The following PHF21B variants were observed in gnomAD, a reference collection of about 807,000 sequenced individuals.
PHF21B encodes PHD finger protein 21B.
In PHF21B, 22 loss-of-function variants were observed where a neutral mutation model predicts 62.2. The ratio of observed to expected loss-of-function variants is 0.35; its 90% confidence interval spans 0.25 to 0.51. PHF21B has a LOEUF of 0.51. PHF21B is among the 20% of genes least tolerant of loss of function. PHF21B has a pLI of 0.97. For synonymous variants in PHF21B, 341 were observed against 314.7 expected (o/e 1.08, Z -0.88); for missense variants, 701 against 707.9 (o/e 0.99, Z 0.11).
At chr22:44,906,219 GA>G (rs1274798567) in intron 5 of PHF21B, among the ~76,000 whole-genome samples, 1 of 152,208 alleles carries the variant, frequency 6.6e-6, no homozygotes, top group East Asian at 1.9e-4. Flanking sequence ...TTGAAACGGA[GA>G]GGTCCATTCA....
At chr22:44,941,359 C>T (rs1601623188) in intron 2 of PHF21B, among the ~76,000 whole-genome samples, 1 of 152,226 alleles carries the variant, frequency 6.6e-6, no homozygotes, top group Non-Finnish European at 1.5e-5. Flanking sequence ...GGGCTGTTTG[C>T]CCCGGAGTGG....
chr22:44,986,279 G>A (rs952522917), intron 2 of PHF21B, among the ~76,000 whole-genome samples: 1 of 141,924 alleles, frequency 7.0e-6, no homozygotes, highest in Non-Finnish European at 1.5e-5. Context: ...GCACCATCAT[G>A]AGCACCACCG....
chr22:44,972,101 T>C (rs1656327940), intron 2 of PHF21B, among the ~76,000 whole-genome samples: 2 of 152,152 alleles, frequency 1.3e-5, no homozygotes, highest in African/African-American at 4.8e-5. Flanking sequence ...CCCTAATGAA[T>C]GACAGGGCTG....
chr22:44,987,946 C>T (rs750675083), intron 2 of PHF21B, among the ~76,000 whole-genome samples: 10 of 152,168 alleles, frequency 6.6e-5, no homozygotes, highest in Non-Finnish European at 1.0e-4. Flanking sequence ...TGAAGATCCA[C>T]GTTGTCCAGA....
rs2071070556 is a variant in PHF21B at position 44,896,895 on chromosome 22, T to TTTTTTTTTTTC, written c.832-813_832-812insGAAAAAAAAAA. On this transcript the variant is annotated intron_variant, in intron 5 of 12. Coordinates refer to ENST00000313237, the MANE Select transcript of PHF21B (RefSeq NM_138415.5). ...AGTTTTATCTGTTTTTTTTTTTTTT[T>TTTTTTTTTTTC]TGAGACAGGTTCTCACTCTGTCACC... Among the ~76,000 whole-genome samples the TTTTTTTTTTTC allele has an allele frequency of 2.4e-5, 2 of 83,168 alleles. 1 individual carries two copies. Among genetic ancestry groups the TTTTTTTTTTTC allele is most frequent in the Non-Finnish European group, 7.4e-5 (2 of 27,034 alleles). 54.6% of individuals were successfully genotyped at this position (83,168 alleles called of 152,430 possible). A position where few individuals can be genotyped will look rare whatever the true frequency, so the allele number is the denominator to read the frequency against.
chr22:44,907,086 G>C (rs1213272669), intron 5 of PHF21B, among the ~76,000 whole-genome samples: 2 of 152,208 alleles, frequency 1.3e-5, no homozygotes, highest in Non-Finnish European at 2.9e-5. Context: ...CTGCTAGGAA[G>C]CATGTCCGTG....
At chr22:44,927,149 G>T (rs930791055) in intron 2 of PHF21B, among the ~76,000 whole-genome samples, 2 of 152,056 alleles carry the variant, frequency 1.3e-5, no homozygotes, top group African/African-American at 4.8e-5. Flanking sequence ...AGAGAGAGGT[G>T]AGGAGATGAC....
At position 44,974,661 on chromosome 22, in the gene PHF21B, TAC is replaced by T. The variant is rs779384926; in HGVS notation, c.120+33882_120+33883del. ...TGCTCATAGATGCAGCCTGGTGCTA[TAC>T]AGTGTGTGTCCAATCAGACCAGAAA... On this transcript the variant is annotated intron_variant, in intron 2 of 12. Coordinates refer to ENST00000313237, the MANE Select transcript of PHF21B (RefSeq NM_138415.5). Among the ~76,000 whole-genome samples, 15 of 152,308 alleles carry T rather than the reference TAC, an allele frequency of 9.8e-5. No individual in the cohort carries two copies. The East Asian group carries it at 1.5e-3, about 16-fold the overall frequency.
rs2147234149 is a variant in PHF21B, at chr22:44,882,131, G to T, written c.*955C>A. ...GTGTGAAGTTATTTTTTGGCATAGT[G>T]TCTGCACTGGCAAGAAGGGAGGAGT... On this transcript the variant is annotated 3_prime_UTR_variant, in exon 13 of 13. Coordinates refer to ENST00000313237, the MANE Select transcript of PHF21B (RefSeq NM_138415.5). 6.5e-6 allele frequency: 1 copy of T among 152,808 alleles called. No individual in the cohort carries two copies. The highest frequency in any genetic ancestry group is 6.5e-5 in the Admixed American group (1 of 15,304). 9.5% of individuals were successfully genotyped at this position (152,808 alleles called of 1,614,324 possible).
At position 44,916,437 on chromosome 22, in the gene PHF21B, G is replaced by A. The variant is rs2071435165; in HGVS notation, c.407C>T (p.Pro136Leu). 6.3e-7 allele frequency: 1 copy of A among 1,598,458 alleles called. No individual in the cohort carries two copies. Among genetic ancestry groups the A allele is most frequent in the Non-Finnish European group, 8.5e-7 (1 of 1,176,428 alleles). Reference protein sequence around the residue: ...PGSQPQALAEPAALASPLSSA... With the variant: ...PGSQPQALAELAALASPLSSA... ...GCTCAGCGGAGAGGCGAGGGCGGCG[G>A]GCTCGGCGAGGGCCTGGGGCTGGCT... Residue 136 changes from proline (P) to leucine (L), a missense_variant, in exon 4 of 13, where the codon CCC (proline) becomes CTC (leucine). Coordinates refer to ENST00000313237, the MANE Select transcript of PHF21B (RefSeq NM_138415.5).
rs1448975602 is a variant in PHF21B at position 44,980,624 on chromosome 22, A to AGG, written c.120+27920_120+27921insCC. Among the ~76,000 whole-genome samples the AGG allele has an allele frequency of 3.3e-5, 5 of 152,352 alleles. No homozygotes were observed. In the East Asian group the frequency reaches 9.6e-4, roughly 29 times the overall value. On this transcript the variant is annotated intron_variant, in intron 2 of 12. Coordinates refer to ENST00000313237, the MANE Select transcript of PHF21B (RefSeq NM_138415.5). ...CTGCCATCAGAGGCAAATTCAGGGC[A>AGG]GCTGCGAAGCTTCCAAATCCATACA...
intron 2 of PHF21B, among the ~76,000 whole-genome samples, chr22:44,987,774 CT>C (rs1217018296): frequency 6.9e-5 from 10 of 144,114 alleles, no homozygotes; most frequent in African/African-American, 1.7e-4. Context: ...TCCTCTCTCT[CT>C]CTCTCTCTCT....
intron 8 of PHF21B, among the ~76,000 whole-genome samples, chr22:44,891,085 G>C (rs1794002278): frequency 6.6e-6 from 1 of 152,224 alleles, no homozygotes; most frequent in African/African-American, 2.4e-5. Context: ...GGCCCAGGCT[G>C]TGGACCTCTC....
At position 44,920,370 on chromosome 22, in the gene PHF21B, C is replaced by G. The variant is rs199549782; in HGVS notation, c.213+28G>C. The G allele has an allele frequency of 1.0e-5, 16 of 1,571,424 alleles. No individual in the cohort carries two copies. The East Asian group carries it at 3.7e-4, about 36-fold the overall frequency. On this transcript the variant is annotated intron_variant, in intron 3 of 12. Transcript: ENST00000313237. ...GACTGCGGGGACAGACAGACGGACACCCCAGGGCCCGCCCGAGGGCTGCTT... is the reference window on the plus strand; with the variant it reads ...GACTGCGGGGACAGACAGACGGACAGCCCAGGGCCCGCCCGAGGGCTGCTT...
chr22:44,983,713 T>C (rs935840641), intron 2 of PHF21B, among the ~76,000 whole-genome samples: 18 of 152,214 alleles, frequency 1.2e-4, no homozygotes, highest in African/African-American at 4.1e-4. Flanking sequence ...CATAAAATGT[T>C]AAATGGAAAC....
intron 2 of PHF21B, among the ~76,000 whole-genome samples, chr22:44,936,513 G>T (rs1306207656): frequency 6.6e-6 from 1 of 152,162 alleles, no homozygotes; most frequent in Non-Finnish European, 1.5e-5. Flanking sequence ...CTCGAGACAG[G>T]ACCGCCTCCT....
intron 2 of PHF21B, among the ~76,000 whole-genome samples, chr22:45,006,803 A>G (rs1329916241): frequency 6.6e-6 from 1 of 152,118 alleles, no homozygotes; most frequent in Non-Finnish European, 1.5e-5. Flanking sequence ...ACCCAGTGAA[A>G]AAAGGGCTTA....
chr22:44,899,398 C>T (rs2071118134), intron 5 of PHF21B, among the ~76,000 whole-genome samples: 1 of 147,220 alleles, frequency 6.8e-6, no homozygotes, highest in Non-Finnish European at 1.5e-5. Flanking sequence ...TCAACCGATT[C>T]TCTTGCCTCA....
chr22:44,970,005 A>C (rs1248125209), intron 2 of PHF21B, among the ~76,000 whole-genome samples: 3 of 152,224 alleles, frequency 2.0e-5, no homozygotes, highest in African/African-American at 7.2e-5. Flanking sequence ...CAGCCACTTC[A>C]TGAAACTACA....
Sources: allele counts gnomAD v4.1 joint callset (sites outside exome capture counted in the v4.1 genomes callset), GRCh38; gene constraint gnomAD v4.1.1; transcripts MANE v1.5; gene names NCBI Gene and HGNC (gene_info 2026-07-23, HGNC 2026-07-21).